CRLF3: variants seen among roughly 807,000 people sequenced by gnomAD.
CRLF3 encodes the protein cytokine receptor like factor 3.
A neutral mutation model predicts 55.0 loss-of-function variants in CRLF3; 33 were observed. The ratio of observed to expected loss-of-function variants is 0.60; its 90% confidence interval spans 0.46 to 0.80. The LOEUF (loss-of-function observed/expected upper bound fraction) is 0.80, where lower values mean the gene tolerates loss of function less well. Among genes scored for constraint, CRLF3 ranks in the 30% least tolerant of loss-of-function variants. The pLI is 0.00. For synonymous variants in CRLF3, 238 were observed against 196.8 expected, an observed-to-expected ratio of 1.21 and a Z score of -1.75; for missense variants, 494 against 538.4, an observed-to-expected ratio of 0.92 and a Z score of 0.82.
chr17:30,812,522 C>A (rs1212220212), intron 1 of CRLF3, among the ~76,000 whole-genome samples: 1 of 152,098 alleles, frequency 6.6e-6, no homozygotes, highest in Non-Finnish European at 1.5e-5. Context: ...GTTTCTCTTA[C>A]ACTTAAGACT....
In CRLF3 at chr17:30,795,579, G is replaced by A. The variant is rs549996593; in HGVS notation, c.603+581C>T. 3.2e-4 allele frequency among the ~76,000 whole-genome samples: 48 copies of A among 151,976 alleles called. No individual in the cohort carries two copies. The Middle Eastern group carries it at 0.01, about 32-fold the overall frequency. On this transcript the variant is annotated intron_variant, in intron 4 of 7. Transcript: ENST00000324238. Reference sequence around the variant, plus strand: ...GCACTTTGGGAGGCCAAGGTGGGCAGATCACCTGAGGTCGGAGGTTGCATC... The same window carrying A: ...GCACTTTGGGAGGCCAAGGTGGGCAAATCACCTGAGGTCGGAGGTTGCATC...
At chr17:30,791,942 G>A (rs895238963) in intron 6 of CRLF3, among the ~76,000 whole-genome samples, 1 of 152,058 alleles carries the variant, frequency 6.6e-6, no homozygotes, top group African/African-American at 2.4e-5. Context: ...TGCCTCTTGG[G>A]TTCAAGCAAT....
chr17:30,815,394 G>C (rs1391562832), intron 1 of CRLF3, among the ~76,000 whole-genome samples: 1 of 151,254 alleles, frequency 6.6e-6, no homozygotes, highest in East Asian at 2.0e-4. Flanking sequence ...CCAACTTTTT[G>C]TATTTTTAGT....
chr17:30,785,862 C>T, intron 7 of CRLF3, 57 bp downstream of exon 7: 1 of 912,272 alleles, frequency 1.1e-6, no homozygotes, highest in East Asian at 2.5e-5. Flanking sequence ...AACAGATTCA[C>T]ATATTACTAA....
intron 1 of CRLF3, among the ~76,000 whole-genome samples, chr17:30,809,284 T>C (rs1174864764): frequency 2.6e-5 from 4 of 152,206 alleles, no homozygotes; most frequent in Non-Finnish European, 5.9e-5. Flanking sequence ...CTTTTGCTCA[T>C]AGAATCCCAA....
intron 1 of CRLF3, among the ~76,000 whole-genome samples, chr17:30,807,914 ATTG>A (rs892258554): frequency 3.9e-5 from 6 of 152,134 alleles, no homozygotes; most frequent in African/African-American, 1.4e-4. Flanking sequence ...TCCTAAATTA[ATTG>A]TTAACTAATT....
intron 2 of CRLF3, among the ~76,000 whole-genome samples, chr17:30,801,780 C>T (rs1308593034): frequency 6.6e-6 from 1 of 152,006 alleles, no homozygotes; most frequent in Non-Finnish European, 1.5e-5. Flanking sequence ...CAATCTCTAA[C>T]ATAGTCTCCA....
intron 1 of CRLF3, among the ~76,000 whole-genome samples, chr17:30,808,478 G>A (rs577317106): frequency 3.2e-4 from 48 of 151,650 alleles, no homozygotes; most frequent in African/African-American, 1.1e-3. Context: ...AGTAGAGATG[G>A]GGTTTCATCA....
At chr17:30,789,310 A>G (rs990286122) in intron 6 of CRLF3, among the ~76,000 whole-genome samples, 19 of 152,218 alleles carry the variant, frequency 1.2e-4, no homozygotes, top group African/African-American at 4.3e-4. Context: ...ATCAATTTGT[A>G]TAATTTCCAA....
chr17:30,785,792 AAAAAG>A, intron 7 of CRLF3, 122 bp downstream of exon 7: 26 of 580,800 alleles, frequency 4.5e-5, no homozygotes, highest in Middle Eastern at 3.8e-4. Flanking sequence ...AAAAAAAAAA[AAAAAG>A]AAAAAGAAAA....
Position 30,784,402 on chromosome 17 carries a change from G to C in CRLF3, c.1114C>G (p.Pro372Ala). Residue 372 changes from proline to alanine, a missense_variant, in exon 8 of 8, where the codon CCC becomes GCC. Pro to Ala is a conservative substitution (Grantham distance 27). Coordinates refer to ENST00000324238, the MANE Select transcript of CRLF3 (RefSeq NM_015986.4). ...ACAGTGGACCCAGAAGTAACTGCGG[G>C]TAACTGATTTGTCATTTCTTTTCCA... ...VNGKEMTNQL[P>A]AVTSGSTVTF... The C allele has an allele frequency of 6.2e-7, 1 of 1,613,678 alleles. No homozygotes were observed. Among genetic ancestry groups the C allele is most frequent in the Non-Finnish European group, 8.5e-7 (1 of 1,179,578 alleles).
intron 6 of CRLF3, 133 bp from the exon 7 acceptor site, chr17:30,786,164 G>T: frequency 1.6e-6 from 1 of 606,154 alleles, no homozygotes. Context: ...CCATGATTGA[G>T]TTCTTGCTAT....
At chr17:30,795,078 A>G (rs570932634) in intron 4 of CRLF3, among the ~76,000 whole-genome samples, 1 of 152,306 alleles carries the variant, frequency 6.6e-6, no homozygotes, top group African/African-American at 2.4e-5. Context: ...ATAGCAAAAA[A>G]CTGGAAATAA....
At chr17:30,816,764 C>T (rs1442700485) in intron 1 of CRLF3, among the ~76,000 whole-genome samples, 1 of 151,916 alleles carries the variant, frequency 6.6e-6, no homozygotes, top group East Asian at 1.9e-4. Flanking sequence ...GCTGGGACTA[C>T]AAGTGTGAGC....
intron 1 of CRLF3, among the ~76,000 whole-genome samples, chr17:30,814,070 A>G (rs1443032884): frequency 6.6e-6 from 1 of 152,054 alleles, no homozygotes; most frequent in Non-Finnish European, 1.5e-5. Context: ...CAGCCTGGCC[A>G]ACACAGTGAA....
intron 6 of CRLF3, chr17:30,786,258 G>C: frequency 2.7e-6 from 1 of 374,670 alleles, no homozygotes; most frequent in Non-Finnish European, 4.8e-6. Context: ...CTTTTTTGTT[G>C]AGACGGAGTC....
At chr17:30,824,468 C>T (rs900764372) in intron 1 of CRLF3, 55 bp downstream of exon 1, 2 of 1,515,062 alleles carry the variant, frequency 1.3e-6, no homozygotes, top group African/African-American at 1.4e-5. Context: ...AGCCTTCGCC[C>T]GGCATCCGCG....
chr17:30,784,534 C>T, intron 7 of CRLF3, 91 bp from the exon 8 acceptor site: 1 of 1,160,970 alleles, frequency 8.6e-7, no homozygotes, highest in Non-Finnish European at 1.2e-6. Context: ...CAGCTCATTT[C>T]CTAATTCAGA....
intron 1 of CRLF3, among the ~76,000 whole-genome samples, chr17:30,805,979 C>T (rs1469477762): frequency 6.6e-6 from 1 of 152,136 alleles, no homozygotes; most frequent in East Asian, 1.9e-4. Context: ...GCTGTGACTG[C>T]ACCACTGCAC....
Sources: gnomAD v4.1 joint callset for allele counts (sites outside exome capture counted in the v4.1 genomes callset) on GRCh38, gnomAD v4.1.1 for gene constraint, MANE v1.5 for transcripts, NCBI Gene and HGNC (gene_info 2026-07-23, HGNC 2026-07-21) for gene names.